COLEC11: variants seen among roughly 807,000 people sequenced by gnomAD.
COLEC11 encodes the protein collectin-11.
A neutral mutation model predicts 27.3 loss-of-function variants in COLEC11; 20 were observed. That is an observed-to-expected ratio of 0.73 (90% CI 0.51 to 1.06). The LOEUF is 1.06. Among genes scored for constraint, COLEC11 ranks in the 50% least tolerant of loss-of-function variants. The pLI, the probability that COLEC11 is intolerant of heterozygous loss-of-function variation, is 0.00. For missense variants in COLEC11, 310 were observed against 383.0 expected, an observed-to-expected ratio of 0.81 and a Z score of 1.59; for synonymous variants, 163 against 154.7, an observed-to-expected ratio of 1.05 and a Z score of -0.40.
At chr2:3,642,347 C>T (rs1394213034) in intron 5 of COLEC11, among the ~76,000 whole-genome samples, 6 of 152,132 alleles carry the variant, frequency 3.9e-5, no homozygotes, top group African/African-American at 1.2e-4. Flanking sequence ...GGAATGAGCT[C>T]ATTGAGAATG....
intron 2 of COLEC11, chr2:3,605,860 C>G: frequency 2.1e-6 from 1 of 479,896 alleles, no homozygotes; most frequent in South Asian, 2.2e-5. Context: ...GCCACCCTGC[C>G]AGGCTGTGCA....
At position 3,643,731 on chromosome 2, in the gene COLEC11, C is replaced by T. The variant is rs755830142; in HGVS notation, c.429C>T (p.Val143=). ...CAACCCTGCCTTACCCCACAGCTGT[C>T]GCCGGTGTGCGCGAGACGGAGAGCA... ...TSELKFIKNA[V]AGVRETESKI... The change falls in exon 7 of 7, where the codon GTC becomes GTT. Residue 143 remains valine (V), a synonymous_variant. Coordinates refer to ENST00000349077, the MANE Select transcript of COLEC11 (RefSeq NM_024027.5). 13 of 1,613,524 alleles carry T rather than the reference C, an allele frequency of 8.1e-6. No homozygotes were observed. The highest frequency in any genetic ancestry group is 3.3e-5 in the South Asian group (3 of 91,078).
intron 1 of COLEC11, among the ~76,000 whole-genome samples, chr2:3,601,733 G>A (rs13003115): frequency 0.084 from 12,717 of 152,172 alleles, 683 homozygotes; most frequent in East Asian, 0.14. Flanking sequence ...TCCCACGCGC[G>A]TGCCCAAGCC....
chr2:3,604,610 C>A, intron 2 of COLEC11, 140 bp downstream of exon 2: 3 of 950,954 alleles, frequency 3.2e-6, no homozygotes, highest in Admixed American at 1.8e-5. Context: ...GTTTCCCCAT[C>A]TGGAAATCAA....
intron 1 of COLEC11, chr2:3,603,985 G>A (rs766058018): frequency 1.2e-5 from 7 of 563,062 alleles, no homozygotes; most frequent in African/African-American, 1.9e-5. Context: ...GCTGTGTGGA[G>A]ACCCCTACTC....
chr2:3,625,858 C>T (rs1444279220), intron 3 of COLEC11, among the ~76,000 whole-genome samples: 1 of 152,188 alleles, frequency 6.6e-6, no homozygotes, highest in African/African-American at 2.4e-5. Context: ...GTCTTGAACT[C>T]CTGACCTCAA....
chr2:3,612,950 GC>G (rs200938258), intron 2 of COLEC11, among the ~76,000 whole-genome samples: 3,549 of 152,194 alleles, frequency 0.023, 146 homozygotes, highest in African/African-American at 0.079. Context: ...TCCCATGGGG[GC>G]GCCTGGAGAC....
chr2:3,642,739 C>T (rs114330054), intron 5 of COLEC11, among the ~76,000 whole-genome samples: 5,000 of 152,278 alleles, frequency 0.033, 234 homozygotes, highest in African/African-American at 0.11. Context: ...CCGCTCCAGC[C>T]ATCCTCCCAC....
chr2:3,635,789 C>G (rs1004607092), intron 3 of COLEC11, among the ~76,000 whole-genome samples: 7 of 152,222 alleles, frequency 4.6e-5, no homozygotes, highest in African/African-American at 1.7e-4. Context: ...GGATGTGGCC[C>G]CCAGCTGCCA....
At chr2:3,615,809 GCCCCCCAC>G (rs1663641804) in intron 3 of COLEC11, among the ~76,000 whole-genome samples, 1 of 25,434 alleles carries the variant, frequency 3.9e-5, no homozygotes, top group East Asian at 1.6e-3. Flanking sequence ...GGCAGGGGCT[GCCCCCCAC>G]CTCCCTCCCG....
At chr2:3,616,481 G>C (rs536237047) in intron 3 of COLEC11, among the ~76,000 whole-genome samples, 3,468 of 152,076 alleles carry the variant, frequency 0.023, 136 homozygotes, top group African/African-American at 0.077. Flanking sequence ...TGAGCACTGA[G>C]TGAACGAGAC....
intron 3 of COLEC11, 42 bp from the exon 4 acceptor site, chr2:3,637,491 C>T (rs1397511141): frequency 6.5e-7 from 1 of 1,534,122 alleles, no homozygotes; most frequent in Non-Finnish European, 9.0e-7. Context: ...GCCACGGTGT[C>T]ACCTGTGCAT....
rs1663475143 is a variant in COLEC11, at chr2:3,614,144, G to GC, written c.202+762_202+763insC. On this transcript the variant is annotated intron_variant, in intron 3 of 6. Coordinates refer to ENST00000349077, the MANE Select transcript of COLEC11 (RefSeq NM_024027.5). ...TATCACACCCAGCTAATTTTTTTTT[G>GC]GGGGGTATTTTTAGTAGAGACTAGG... Among the ~76,000 whole-genome samples the GC allele has an allele frequency of 1.8e-4, 3 of 17,118 alleles. No individual in the cohort carries two copies. The South Asian group carries it at 0.022, about 124-fold the overall frequency. 11.2% of individuals were successfully genotyped at this position (17,118 alleles called of 152,430 possible).
In COLEC11 at chr2:3,637,606, T is replaced by A. The variant is rs1156754117; in HGVS notation, c.274+2T>A. 1.2e-6 allele frequency: 2 copies of A among 1,612,892 alleles called. No individual in the cohort carries two copies. The highest frequency in any genetic ancestry group is 2.2e-5 in the South Asian group (2 of 91,050). ...AAATTGGTCCCATTGGCTCTAAAGG[T>A]ATTTGCAATGCGATTCTTGCCTCAT... On this transcript the variant is annotated splice_donor_variant, in intron 4 of 6. Transcript: ENST00000349077. LOFTEE classifies it high-confidence loss of function.
intron 3 of COLEC11, among the ~76,000 whole-genome samples, chr2:3,623,158 G>C (rs1572435882): frequency 6.6e-6 from 1 of 152,170 alleles, no homozygotes; most frequent in Non-Finnish European, 1.5e-5. Flanking sequence ...TCTGCTGATA[G>C]CCTTATGAGG....
intron 3 of COLEC11, chr2:3,625,930 G>A: frequency 2.3e-6 from 3 of 1,302,006 alleles, no homozygotes; most frequent in Non-Finnish European, 3.3e-6. Context: ...GCCATACCTG[G>A]CAGACTTTGC....
At chr2:3,617,850 G>T in intron 3 of COLEC11, 1 of 615,732 alleles carries the variant, frequency 1.6e-6, no homozygotes, top group Non-Finnish European at 2.9e-6. Flanking sequence ...CTTCTCCAAT[G>T]CTTAATCTCT....
intron 3 of COLEC11, among the ~76,000 whole-genome samples, chr2:3,632,087 C>A (rs187271351): frequency 5.9e-5 from 9 of 152,192 alleles, no homozygotes; most frequent in African/African-American, 1.9e-4. Flanking sequence ...TCCTGATGCT[C>A]GCTGTGACCC....
At chr2:3,599,492 G>A (rs1662073947) in intron 1 of COLEC11, among the ~76,000 whole-genome samples, 1 of 152,246 alleles carries the variant, frequency 6.6e-6, no homozygotes, top group African/African-American at 2.4e-5. Flanking sequence ...AGTAGGATCA[G>A]GAGCTGCCAT....
Sources: allele counts gnomAD v4.1 joint callset (sites outside exome capture counted in the v4.1 genomes callset), GRCh38; gene constraint gnomAD v4.1.1; transcripts MANE v1.5; gene names NCBI Gene and HGNC (gene_info 2026-07-23, HGNC 2026-07-21).